Variants in ZNF200 observed in about 807,000 individuals in gnomAD.
The protein encoded by ZNF200 is zinc finger protein 200.
A neutral mutation model predicts 33.6 loss-of-function variants in ZNF200; 35 were observed. The observed-to-expected ratio is 1.04, with a 90% CI of 0.80 to 1.38. The LOEUF (loss-of-function observed/expected upper bound fraction) is 1.38, where lower values mean the gene tolerates loss of function less well. ZNF200 is among the 40% of genes most tolerant of loss of function. The pLI, the probability that ZNF200 is intolerant of heterozygous loss-of-function variation, is 0.00. For synonymous variants in ZNF200, 209 were observed against 167.7 expected (o/e 1.25, Z -1.90); for missense variants, 592 against 470.6 (o/e 1.26, Z -2.39).
rs771281943 is a variant in ZNF200, at chr16:3,224,151, C to A, written c.929G>T (p.Cys310Phe). Residue 310 changes from cysteine (C) to phenylalanine (F), a missense_variant, in exon 5 of 5, where the codon TGT (cysteine) becomes TTT (phenylalanine). Coordinates refer to ENST00000414144, the MANE Select transcript of ZNF200 (RefSeq NM_198088.3). ...ACGGAAGTTTTTTCCACACTGAGAA[C>A]AGGAATAAGGTTTCTCTCCTGTATG... The part of the protein sequence containing the change: ...RIHTGEKPYS[C>F]SQCGKNFRQN... The A allele has an allele frequency of 6.2e-7, 1 of 1,614,140 alleles. No homozygotes were observed. Among genetic ancestry groups the A allele is most frequent in the Non-Finnish European group, 8.5e-7 (1 of 1,180,020 alleles).
chr16:3,226,397 A>G (rs777272263), intron 4 of ZNF200: 4 of 152,148 alleles, frequency 2.6e-5, no homozygotes, highest in Non-Finnish European at 4.4e-5. Flanking sequence ...ATGAAATGTC[A>G]ATTTTTACCA....
In ZNF200 at chr16:3,223,835, C is replaced by T; in HGVS notation, c.*57G>A. 1 of 1,528,180 alleles carries T rather than the reference C, an allele frequency of 6.5e-7. No individual in the cohort carries two copies. Among genetic ancestry groups the T allele is most frequent in the Non-Finnish European group, 8.7e-7 (1 of 1,142,940 alleles). The allele number at this position is 1,528,180 out of a possible 1,614,324, so 94.7% of individuals were successfully genotyped here. A position where few individuals can be genotyped will look rare whatever the true frequency, so the allele number is the denominator to read the frequency against. On this transcript the variant is annotated 3_prime_UTR_variant, in exon 5 of 5. Transcript: ENST00000414144. Reference sequence around the variant, plus strand: ...TAGGCAGCTTGGGAATTCAGAACTACTTATGAAAGCTCTCAGGTTGAGGCA... The same window carrying T: ...TAGGCAGCTTGGGAATTCAGAACTATTTATGAAAGCTCTCAGGTTGAGGCA...
In ZNF200 at chr16:3,224,108, A is replaced by T. The variant is rs1339449352; in HGVS notation, c.972T>A (p.Ser324Arg). ...CCCTTATATGGATTCCTTCATGACGACTCCGATGAGAATTCTGACGGAAGT... is the reference window on the plus strand; with the variant it reads ...CCCTTATATGGATTCCTTCATGACGTCTCCGATGAGAATTCTGACGGAAGT... Reference protein sequence around the residue: ...GKNFRQNSHRSRHEGIHIREK... With the variant: ...GKNFRQNSHRRRHEGIHIREK... The change falls in exon 5 of 5, where the codon AGT (serine) becomes AGA (arginine). Residue 324 changes from serine to arginine, a missense_variant. Ser to Arg is a moderately radical substitution (Grantham distance 110). Transcript: ENST00000414144. The T allele has an allele frequency of 6.2e-7, 1 of 1,613,900 alleles. No homozygotes were observed. Among genetic ancestry groups the T allele is most frequent in the Non-Finnish European group, 8.5e-7 (1 of 1,180,006 alleles).
At chr16:3,227,705 A>C (rs1393081325) in intron 4 of ZNF200, 1 of 152,226 alleles carries the variant, frequency 6.6e-6, no homozygotes, top group Non-Finnish European at 1.5e-5. Flanking sequence ...TGTGAAGATG[A>C]TGCCTTGCTT....
Position 3,232,448 on chromosome 16 carries a change from T to C in ZNF200, c.439A>G (p.Ser147Gly), listed in dbSNP as rs771164821. The C allele has an allele frequency of 5.0e-6, 8 of 1,614,144 alleles. No individual in the cohort carries two copies. In the South Asian group the frequency reaches 6.6e-5, roughly 13 times the overall value. ...QQLTSEKEDD[S>G]SVGEMMLLAV... ...AGTAACATCATTTCCCCGACACTGCTGTCATCTTCCTTCTCTGACGTGAGT... is the reference window on the plus strand; with the variant it reads ...AGTAACATCATTTCCCCGACACTGCCGTCATCTTCCTTCTCTGACGTGAGT... Residue 147 changes from serine (S) to glycine (G), a missense_variant, in exon 4 of 5, where the codon AGC (serine) becomes GGC (glycine). Coordinates refer to ENST00000414144, the MANE Select transcript of ZNF200 (RefSeq NM_198088.3).
In ZNF200 at chr16:3,232,919, G is replaced by A. The variant is rs1344771927; in HGVS notation, c.253C>T (p.His85Tyr). The change falls in exon 3 of 5, where the codon CAT becomes TAT. Residue 85 changes from histidine (H) to tyrosine (Y), a missense_variant and splice_region_variant. His to Tyr is a moderately conservative substitution (Grantham distance 83). Coordinates refer to ENST00000414144, the MANE Select transcript of ZNF200 (RefSeq NM_198088.3). ...DVSSSLQNRV[H>Y]PRPLVKLLPK... ...AGAAGCTTCACCAAGGGACGAGGAT[G>A]CACTGGGGAAAGAGGAAGGTTTAGT... is the stretch of plus-strand genomic sequence containing the variant. 1.2e-6 allele frequency: 2 copies of A among 1,613,596 alleles called. No individual in the cohort carries two copies. Among genetic ancestry groups the A allele is most frequent in the Admixed American group, 1.7e-5 (1 of 60,012 alleles).
At chr16:3,226,368 T>TA (rs539005900) in intron 4 of ZNF200, 127 of 152,338 alleles carry the variant, frequency 8.3e-4, no homozygotes, top group African/African-American at 2.9e-3. Flanking sequence ...TTATTCTTTT[T>TA]AATCACTCCC....
At chr16:3,224,845 A>C in intron 4 of ZNF200, 1 of 537,654 alleles carries the variant, frequency 1.9e-6, no homozygotes, top group Non-Finnish European at 3.2e-6. Flanking sequence ...GTGGGATTTC[A>C]CTGAAAGACT....
rs1958356075 is a variant in ZNF200, at chr16:3,222,600, C to A, written c.*1292G>T. Reference sequence around the variant, plus strand: ...GAAAGGCATGTTTCTGGATGGGAAACATACACTATAATTTTTCCCAAATAG... The same window carrying A: ...GAAAGGCATGTTTCTGGATGGGAAAAATACACTATAATTTTTCCCAAATAG... On this transcript the variant is annotated 3_prime_UTR_variant, in exon 5 of 5. Coordinates refer to ENST00000414144, the MANE Select transcript of ZNF200 (RefSeq NM_198088.3). 1 of 152,140 alleles carries A rather than the reference C, an allele frequency of 6.6e-6. No homozygotes were observed. The highest frequency in any genetic ancestry group is 1.5e-5 in the Non-Finnish European group (1 of 68,032). 9.4% of individuals were successfully genotyped at this position (152,140 alleles called of 1,614,324 possible). A position where few individuals can be genotyped will look rare whatever the true frequency, so the allele number is the denominator to read the frequency against.
chr16:3,232,222 T>C (rs972804391), intron 4 of ZNF200, among the ~76,000 whole-genome samples, 199 bp downstream of exon 4: 19 of 152,066 alleles, frequency 1.2e-4, no homozygotes, highest in African/African-American at 4.1e-4. Flanking sequence ...GCCCCCAAGA[T>C]ACAGGGAAAA....
intron 4 of ZNF200, among the ~76,000 whole-genome samples, chr16:3,228,970 T>A (rs1212700466): frequency 4.6e-5 from 7 of 152,176 alleles, no homozygotes; most frequent in African/African-American, 1.4e-4. Flanking sequence ...CAACCAAGGA[T>A]TGAAAATATT....
At chr16:3,232,707 G>T in intron 3 of ZNF200, 126 bp downstream of exon 3, 1 of 1,413,454 alleles carries the variant, frequency 7.1e-7, no homozygotes, top group East Asian at 2.3e-5. Flanking sequence ...GGCTGAGAAG[G>T]GCTCAAGGAA....
At chr16:3,233,868 A>G in intron 1 of ZNF200, 32 bp from the exon 2 acceptor site, 1 of 1,496,574 alleles carries the variant, frequency 6.7e-7, no homozygotes, top group Non-Finnish European at 8.9e-7. Context: ...ATTACCCAAA[A>G]GACCAGGCAC....
chr16:3,232,460 T>C lies in ZNF200; in HGVS notation c.427A>G (p.Lys143Glu). 1 of 1,614,084 alleles carries C rather than the reference T, an allele frequency of 6.2e-7. No individual in the cohort carries two copies. The highest frequency in any genetic ancestry group is 8.5e-7 in the Non-Finnish European group (1 of 1,179,978). Reference sequence around the variant, plus strand: ...TCCCCGACACTGCTGTCATCTTCCTTCTCTGACGTGAGTTGTTGAGTAGGA... The same window carrying C: ...TCCCCGACACTGCTGTCATCTTCCTCCTCTGACGTGAGTTGTTGAGTAGGA... The part of the protein sequence containing the change: ...LDPTQQLTSE[K>E]EDDSSVGEMM... Residue 143 changes from lysine (K) to glutamate (E), a missense_variant, in exon 4 of 5, where the codon AAG becomes GAG. Transcript: ENST00000414144.
At position 3,224,281 on chromosome 16, in the gene ZNF200, G is replaced by C. The variant is rs895544593; in HGVS notation, c.799C>G (p.Leu267Val). 11 of 1,613,932 alleles carry C rather than the reference G, an allele frequency of 6.8e-6. No individual in the cohort carries two copies. Among genetic ancestry groups the C allele is most frequent in the Non-Finnish European group, 9.3e-6 (11 of 1,180,016 alleles). ...CGKQFNESSY[L>V]ISHQRTHTGE... Reference sequence around the variant, plus strand: ...GTGTGGGTCCTCTGGTGGGAAATGAGGTAAGAACTTTCATTAAACTGTTTC... The same window carrying C: ...GTGTGGGTCCTCTGGTGGGAAATGACGTAAGAACTTTCATTAAACTGTTTC... Residue 267 changes from leucine (L) to valine (V), a missense_variant, in exon 5 of 5, where the codon CTC becomes GTC. Leu to Val is a conservative substitution (Grantham distance 32). Coordinates refer to ENST00000414144, the MANE Select transcript of ZNF200 (RefSeq NM_198088.3).
At chr16:3,226,474 C>T (rs1489458089) in intron 4 of ZNF200, 1 of 152,194 alleles carries the variant, frequency 6.6e-6, no homozygotes, top group Admixed American at 6.5e-5. Context: ...TGAATATTAA[C>T]TTTACCTAAT....
chr16:3,233,539 T>C lies in ZNF200; in HGVS notation c.217A>G (p.Met73Val). ...TGAAGGCTTGAGCTCACATCTTTCA[T>C]AATAACCAAGGTCTCCTTGACTTTC... is the stretch of plus-strand genomic sequence containing the variant. The part of the protein sequence containing the change: ...SQKVKETLVI[M>V]KDVSSSLQNR... Residue 73 changes from methionine to valine, a missense_variant, in exon 2 of 5, where the codon ATG becomes GTG. Coordinates refer to ENST00000414144, the MANE Select transcript of ZNF200 (RefSeq NM_198088.3). 1 of 1,578,818 alleles carries C rather than the reference T, an allele frequency of 6.3e-7. No homozygotes were observed. The highest frequency in any genetic ancestry group is 1.2e-5 in the South Asian group (1 of 86,116).
In ZNF200 at chr16:3,223,787, AT is replaced by A; in HGVS notation, c.*104del. On this transcript the variant is annotated 3_prime_UTR_variant, in exon 5 of 5. Transcript: ENST00000414144. ...TTTATCCAATTTTGGCAATAATGAG[AT>A]TTTTACACATTTATACCTTTTTAGG... 1 of 1,458,920 alleles carries A rather than the reference AT, an allele frequency of 6.9e-7. No homozygotes were observed. The allele number at this position is 1,458,920 out of a possible 1,614,324, so 90.4% of individuals were successfully genotyped here.
In ZNF200 at chr16:3,222,971, GTTA is replaced by G. The variant is rs1194955483; in HGVS notation, c.*918_*920del. 1 of 152,224 alleles carries G rather than the reference GTTA, an allele frequency of 6.6e-6. No homozygotes were observed. Among genetic ancestry groups the G allele is most frequent in the Non-Finnish European group, 1.5e-5 (1 of 68,056 alleles). 9.4% of individuals were successfully genotyped at this position (152,224 alleles called of 1,614,324 possible). On this transcript the variant is annotated 3_prime_UTR_variant, in exon 5 of 5. Transcript: ENST00000414144. ...AGAGGGGACCTAAGCATATGGTAAG[GTTA>G]TTGATGAGACATGGATCCAAGCCAA...
Sources: allele counts gnomAD v4.1 joint callset (sites outside exome capture counted in the v4.1 genomes callset), GRCh38; gene constraint gnomAD v4.1.1; transcripts MANE v1.5; gene names NCBI Gene and HGNC (gene_info 2026-07-23, HGNC 2026-07-21).